Variants in MDM1 observed in about 807,000 individuals in gnomAD.
MDM1 encodes Mdm1 nuclear protein.
A neutral mutation model predicts 89.1 loss-of-function variants in MDM1; 61 were observed. The observed-to-expected ratio is 0.68, with a 90% confidence interval of 0.56 to 0.85. The LOEUF is 0.85. Ranked by LOEUF, MDM1 falls within the 40% of genes least tolerant of loss-of-function variation. MDM1 has a pLI of 0.00. For synonymous variants in MDM1, 290 were observed against 294.1 expected, an observed-to-expected ratio of 0.99 and a Z score of 0.14; for missense variants, 820 against 846.5, an observed-to-expected ratio of 0.97 and a Z score of 0.39.
rs1411429688 is a variant in MDM1, at chr12:68,332,360, C to G, written c.-115G>C. The G allele has an allele frequency of 7.6e-7, 1 of 1,307,908 alleles. No homozygotes were observed. Among genetic ancestry groups the G allele is most frequent in the Non-Finnish European group, 1.0e-6 (1 of 971,018 alleles). The allele number at this position is 1,307,908 out of a possible 1,614,324, so 81.0% of individuals were successfully genotyped here. ...AGCCTCGGCCCGGCGTCCCCGACTACGCGCCGGCGCACTCCGCGCTTCCCG... is the reference window on the plus strand; with the variant it reads ...AGCCTCGGCCCGGCGTCCCCGACTAGGCGCCGGCGCACTCCGCGCTTCCCG... On this transcript the variant is annotated 5_prime_UTR_variant, in exon 1 of 15. Transcript: ENST00000682720.
intron 2 of MDM1, among the ~76,000 whole-genome samples, chr12:68,329,655 T>G (rs915526182): frequency 2.0e-5 from 3 of 152,154 alleles, no homozygotes; most frequent in African/African-American, 4.8e-5. Flanking sequence ...AAAAATAGTT[T>G]CAAGAAGCAA....
intron 14 of MDM1, among the ~76,000 whole-genome samples, chr12:68,296,413 G>A (rs1214361591): frequency 2.0e-5 from 3 of 152,146 alleles, no homozygotes; most frequent in Non-Finnish European, 2.9e-5. Context: ...CAGGAGAATC[G>A]CTTGAACCCG....
chr12:68,332,351 C>T lies in MDM1; in HGVS notation c.-106G>A, dbSNP rs1876988375. 1 of 1,365,208 alleles carries T rather than the reference C, an allele frequency of 7.3e-7. No individual in the cohort carries two copies. Among genetic ancestry groups the T allele is most frequent in the Admixed American group, 2.6e-5 (1 of 37,814 alleles). 84.6% of individuals were successfully genotyped at this position (1,365,208 alleles called of 1,614,324 possible). ...CCCTAGCAAAGCCTCGGCCCGGCGT[C>T]CCCGACTACGCGCCGGCGCACTCCG... On this transcript the variant is annotated 5_prime_UTR_variant, in exon 1 of 15. Coordinates refer to ENST00000682720, the MANE Select transcript of MDM1 (RefSeq NM_001354969.2).
intron 12 of MDM1, among the ~76,000 whole-genome samples, chr12:68,306,100 A>G (rs1309612112): frequency 6.6e-6 from 1 of 152,186 alleles, no homozygotes; most frequent in African/African-American, 2.4e-5. Context: ...GAACTCAGAA[A>G]TAAAGCCATA....
Position 68,325,421 on chromosome 12 carries a change from T to C in MDM1, c.633+20A>G, listed in dbSNP as rs1289168809. 6.6e-7 allele frequency: 1 copy of C among 1,525,232 alleles called. No individual in the cohort carries two copies. 94.5% of individuals were successfully genotyped at this position (1,525,232 alleles called of 1,614,324 possible). A position where few individuals can be genotyped will look rare whatever the true frequency, so the allele number is the denominator to read the frequency against. On this transcript the variant is annotated intron_variant, in intron 4 of 14. Transcript: ENST00000682720. ...GATAAGATAATGGTACTCAGAAATG[T>C]ATTACATCCATTAAGCTACCTGATT... is the stretch of plus-strand genomic sequence containing the variant.
chr12:68,327,436 A>G, intron 2 of MDM1: 1 of 1,535,898 alleles, frequency 6.5e-7, no homozygotes, highest in Non-Finnish European at 8.7e-7. Flanking sequence ...AGCTTCTCTT[A>G]TGTGGAGCAG....
At position 68,316,104 on chromosome 12, in the gene MDM1, GCTA is replaced by G; in HGVS notation, c.1182_1184del (p.Ser395del). ...CAGCAAGATCTAATGCTCTGATGTT[GCTA>G]CTAACGGTTCCTTCTGAGCTTGTGG... On this transcript the variant is annotated inframe_deletion, in exon 9 of 15. Coordinates refer to ENST00000682720, the MANE Select transcript of MDM1 (RefSeq NM_001354969.2). 6.2e-7 allele frequency: 1 copy of G among 1,612,354 alleles called. No individual in the cohort carries two copies. The highest frequency in any genetic ancestry group is 8.5e-7 in the Non-Finnish European group (1 of 1,179,274).
At chr12:68,322,784 C>CT (rs1875406012) in intron 5 of MDM1, among the ~76,000 whole-genome samples, 1 of 152,122 alleles carries the variant, frequency 6.6e-6, no homozygotes, top group Admixed American at 6.5e-5. Flanking sequence ...TGATACTAAA[C>CT]TTATTAGACT....
intron 12 of MDM1, among the ~76,000 whole-genome samples, chr12:68,311,476 T>C (rs1364838170): frequency 6.6e-6 from 1 of 152,172 alleles, no homozygotes; most frequent in African/African-American, 2.4e-5. Context: ...TTCCAAAAGC[T>C]GCCATCACAT....
chr12:68,308,832 C>T (rs113673096), intron 12 of MDM1, among the ~76,000 whole-genome samples: 2,283 of 152,302 alleles, frequency 0.015, 54 homozygotes, highest in African/African-American at 0.052. Flanking sequence ...CATGGTACCT[C>T]CATCAATCTT....
intron 12 of MDM1, among the ~76,000 whole-genome samples, chr12:68,309,941 CAAT>C (rs1310013731): frequency 6.6e-6 from 1 of 152,154 alleles, no homozygotes; most frequent in African/African-American, 2.4e-5. Flanking sequence ...ATCAAGTTGT[CAAT>C]AATAAACTTG....
At chr12:68,311,187 T>C in intron 12 of MDM1, among the ~76,000 whole-genome samples, 1 of 152,172 alleles carries the variant, frequency 6.6e-6, no homozygotes, top group East Asian at 1.9e-4. Context: ...TCCAACTCTA[T>C]CTGATAAAAG....
chr12:68,312,685 A>C (rs1024450802), intron 12 of MDM1, among the ~76,000 whole-genome samples: 10 of 152,168 alleles, frequency 6.6e-5, no homozygotes, highest in Non-Finnish European at 7.4e-5. Flanking sequence ...ACAGAAAAAA[A>C]TTCAAAATCT....
intron 12 of MDM1, among the ~76,000 whole-genome samples, chr12:68,305,837 A>G (rs955062535): frequency 2.6e-5 from 4 of 151,916 alleles, no homozygotes; most frequent in African/African-American, 9.7e-5. Flanking sequence ...AGTAACTTAC[A>G]GATTCAATGC....
intron 7 of MDM1, among the ~76,000 whole-genome samples, chr12:68,317,440 G>A (rs1490253531): frequency 6.6e-6 from 1 of 151,744 alleles, no homozygotes; most frequent in Non-Finnish European, 1.5e-5. Context: ...AAACAGCAAT[G>A]TAAAAGCAAT....
chr12:68,302,085 T>C (rs867069046), intron 13 of MDM1, among the ~76,000 whole-genome samples: 67 of 152,246 alleles, frequency 4.4e-4, no homozygotes, highest in African/African-American at 1.5e-3. Context: ...AAAAAAATAA[T>C]ACTCTCTCAG....
At chr12:68,296,276 G>C (rs778508038) in intron 14 of MDM1, among the ~76,000 whole-genome samples, 1 of 152,184 alleles carries the variant, frequency 6.6e-6, no homozygotes, top group East Asian at 1.9e-4. Flanking sequence ...AAGGTGGGCG[G>C]ATCACAAGGT....
intron 12 of MDM1, 128 bp from the exon 13 acceptor site, chr12:68,303,000 C>T (rs1288421634): frequency 6.5e-6 from 5 of 764,590 alleles, no homozygotes; most frequent in South Asian, 2.3e-5. Context: ...ATTTATGCAA[C>T]ATCTATGTGG....
At position 68,326,647 on chromosome 12, in the gene MDM1, A is replaced by T. The variant is rs1490759354; in HGVS notation, c.498+10T>A. The stretch of plus-strand genomic sequence containing the variant: ...ATGCTTTTGAAAAGAAATGCAGTGA[A>T]TATGCCTACCCCATTATCTACATTT... On this transcript the variant is annotated intron_variant, in intron 3 of 14. Coordinates refer to ENST00000682720, the MANE Select transcript of MDM1 (RefSeq NM_001354969.2). 6.2e-7 allele frequency: 1 copy of T among 1,614,038 alleles called. No homozygotes were observed. The highest frequency in any genetic ancestry group is 8.5e-7 in the Non-Finnish European group (1 of 1,179,986).
Sources: gnomAD v4.1 joint callset for allele counts (sites outside exome capture counted in the v4.1 genomes callset) on GRCh38, gnomAD v4.1.1 for gene constraint, MANE v1.5 for transcripts, NCBI Gene and HGNC (gene_info 2026-07-23, HGNC 2026-07-21) for gene names.